The following DAP3 variants were observed in gnomAD, a reference collection of about 807,000 sequenced individuals.
The protein encoded by DAP3 is death associated protein 3.
In DAP3, 28 loss-of-function variants were observed where a neutral mutation model predicts 51.9. The observed-to-expected ratio is 0.54, with a 90% CI of 0.40 to 0.74. The LOEUF (loss-of-function observed/expected upper bound fraction) is 0.74. Among genes scored for constraint, DAP3 ranks in the 30% least tolerant of loss-of-function variants. The probability of loss-of-function intolerance (pLI) is 0.00; values close to 1 mark genes in which losing one functional copy is unlikely to be tolerated. For missense variants in DAP3, 458 were observed against 483.5 expected, an observed-to-expected ratio of 0.95 and a Z score of 0.49; for synonymous variants, 170 against 170.3, an observed-to-expected ratio of 1.00 and a Z score of 0.01.
chr1:155,719,446 G>A (rs972175229), intron 3 of DAP3, among the ~76,000 whole-genome samples: 2 of 151,732 alleles, frequency 1.3e-5, no homozygotes, highest in African/African-American at 2.4e-5. Flanking sequence ...ATGTTGGCCA[G>A]GCTGGTCTTG....
chr1:155,728,893 C>T (rs1397366169), intron 7 of DAP3, 149 bp from the exon 8 acceptor site: 4 of 624,576 alleles, frequency 6.4e-6, no homozygotes, highest in Admixed American at 3.3e-5. Flanking sequence ...AGAAAGCATT[C>T]ACTTCTACAT....
At chr1:155,695,613 A>C (rs1166619988) in intron 1 of DAP3, among the ~76,000 whole-genome samples, 2 of 152,232 alleles carry the variant, frequency 1.3e-5, no homozygotes, top group African/African-American at 4.8e-5. Flanking sequence ...GTTTGTAAAG[A>C]GTTGAACAAT....
At chr1:155,707,317 G>T (rs1352687394) in intron 1 of DAP3, among the ~76,000 whole-genome samples, 1 of 148,372 alleles carries the variant, frequency 6.7e-6, no homozygotes, top group African/African-American at 2.5e-5. Context: ...GGAGGCTGAG[G>T]CAGGAGAATG....
chr1:155,708,090 C>T (rs371571563), intron 1 of DAP3, among the ~76,000 whole-genome samples: 1 of 152,278 alleles, frequency 6.6e-6, no homozygotes, highest in East Asian at 1.9e-4. Flanking sequence ...TCTTGTTGCC[C>T]AGTCTGGAAT....
At chr1:155,710,456 TC>T (rs1656558922) in intron 2 of DAP3, 1 of 152,192 alleles carries the variant, frequency 6.6e-6, no homozygotes, top group African/African-American at 2.4e-5. Flanking sequence ...GGTCTCGAAC[TC>T]CTGACTTCGT....
At chr1:155,702,960 C>G (rs1193081422) in intron 1 of DAP3, among the ~76,000 whole-genome samples, 1 of 152,030 alleles carries the variant, frequency 6.6e-6, no homozygotes, top group African/African-American at 2.4e-5. Flanking sequence ...CAGAGTGAGA[C>G]TCCGTTTCAA....
chr1:155,690,179 A>G (rs945655235), intron 1 of DAP3, among the ~76,000 whole-genome samples: 5 of 141,604 alleles, frequency 3.5e-5, no homozygotes, highest in Non-Finnish European at 7.3e-5. Flanking sequence ...ATTTTTAAAG[A>G]GTAGGTAATG....
intron 1 of DAP3, 146 bp downstream of exon 1, chr1:155,689,320 C>T: frequency 3.4e-6 from 2 of 594,634 alleles, no homozygotes; most frequent in Non-Finnish European, 6.3e-6. Context: ...ACCTGGGACC[C>T]GAGGAAGTTC....
chr1:155,697,379 C>T (rs753975668), intron 1 of DAP3, among the ~76,000 whole-genome samples: 18 of 152,140 alleles, frequency 1.2e-4, no homozygotes, highest in Non-Finnish European at 2.4e-4. Flanking sequence ...CCTCCGGTAT[C>T]GGGGGAACCA....
chr1:155,697,955 G>C (rs974350131), intron 1 of DAP3, among the ~76,000 whole-genome samples: 1 of 152,150 alleles, frequency 6.6e-6, no homozygotes, highest in Non-Finnish European at 1.5e-5. Context: ...ATTCCTTGCT[G>C]AGAAAAGAAT....
rs1244337771 is a variant in DAP3, at chr1:155,738,780, T to G, written c.*538T>G. The G allele has an allele frequency of 6.6e-6, 1 of 152,216 alleles. No homozygotes were observed. The highest frequency in any genetic ancestry group is 1.5e-5 in the Non-Finnish European group (1 of 68,122). The allele number at this position is 152,216 out of a possible 1,614,324, so 9.4% of individuals were successfully genotyped here. ...TGAGTTCAGGAGTTTGCAACCAGCC[T>G]GGGCAACATGGTGAAAACCTGTCTC... On this transcript the variant is annotated 3_prime_UTR_variant, in exon 13 of 13. Transcript: ENST00000368336.
At position 155,689,093 on chromosome 1, in the gene DAP3, A is replaced by G; in HGVS notation, c.-89A>G. On this transcript the variant is annotated 5_prime_UTR_variant, in exon 1 of 13. Coordinates refer to ENST00000368336, the MANE Select transcript of DAP3 (RefSeq NM_004632.4). ...GCCGGATGACCCGACCCTTTTTTGC[A>G]GTCTCAGGACGGGCGCTTTGGAGCC... is the stretch of plus-strand genomic sequence containing the variant. The G allele has an allele frequency of 1.4e-6, 2 of 1,404,504 alleles. No individual in the cohort carries two copies. Among genetic ancestry groups the G allele is most frequent in the South Asian group, 1.2e-5 (1 of 80,106 alleles). The allele number at this position is 1,404,504 out of a possible 1,614,324, so 87.0% of individuals were successfully genotyped here.
chr1:155,725,385 A>G lies in DAP3; in HGVS notation c.274A>G (p.Lys92Glu), dbSNP rs1571538948. The G allele has an allele frequency of 6.2e-7, 1 of 1,613,920 alleles. No individual in the cohort carries two copies. The highest frequency in any genetic ancestry group is 2.2e-5 in the East Asian group (1 of 44,870). The change falls in exon 5 of 13, where the codon AAG (lysine) becomes GAG (glutamate). Residue 92 changes from lysine (K) to glutamate (E), a missense_variant. Coordinates refer to ENST00000368336, the MANE Select transcript of DAP3 (RefSeq NM_004632.4). Reference protein sequence around the residue: ...GLPPRFVMQVKTFSEACLMVR... With the variant: ...GLPPRFVMQVETFSEACLMVR... ...TCCTTCTTTCCTACTTTATCAGGTGAAGACATTCAGTGAAGCTTGCCTGAT... is the reference window on the plus strand; with the variant it reads ...TCCTTCTTTCCTACTTTATCAGGTGGAGACATTCAGTGAAGCTTGCCTGAT...
chr1:155,735,838 ATTTTTTTTTT>A (rs35138415), intron 11 of DAP3, among the ~76,000 whole-genome samples: 3 of 82,486 alleles, frequency 3.6e-5, no homozygotes, highest in East Asian at 3.1e-4. Context: ...CGCCTGGCTA[ATTTTTTTTTT>A]TTTTTTTTTT....
At position 155,738,149 on chromosome 1, in the gene DAP3, C is replaced by A; in HGVS notation, c.1112-8C>A. The A allele has an allele frequency of 1.2e-6, 2 of 1,614,130 alleles. No homozygotes were observed. Among genetic ancestry groups the A allele is most frequent in the Non-Finnish European group, 8.5e-7 (1 of 1,179,998 alleles). ...ACTGCCACTTACCTGTGTTTGTCTC[C>A]ATTTTAGCTCCTACAGAAGAAGGGA... On this transcript the variant is annotated splice_polypyrimidine_tract_variant and splice_region_variant and intron_variant, in intron 12 of 12. Transcript: ENST00000368336.
At chr1:155,730,067 TAC>T (rs1216144621) in intron 9 of DAP3, among the ~76,000 whole-genome samples, 7 of 147,998 alleles carry the variant, frequency 4.7e-5, no homozygotes, top group African/African-American at 1.7e-4. Flanking sequence ...TATGTATATA[TAC>T]ACACATATAT....
intron 1 of DAP3, among the ~76,000 whole-genome samples, chr1:155,692,395 A>G (rs1653946274): frequency 7.1e-6 from 1 of 141,388 alleles, no homozygotes. Flanking sequence ...TTTCTTTTTT[A>G]AAACTGCCAT....
At chr1:155,713,771 C>T (rs1018238069) in intron 2 of DAP3, among the ~76,000 whole-genome samples, 11 of 152,158 alleles carry the variant, frequency 7.2e-5, no homozygotes, top group African/African-American at 2.4e-4. Flanking sequence ...CTTATCTTCC[C>T]CATCATAACA....
At chr1:155,723,071 C>CA (rs1557788225) in intron 4 of DAP3, among the ~76,000 whole-genome samples, 1 of 146,938 alleles carries the variant, frequency 6.8e-6, no homozygotes, top group Non-Finnish European at 1.5e-5. Flanking sequence ...CCTAATATGA[C>CA]TTTTTTTTTT....
Sources: gnomAD v4.1 joint callset for allele counts (sites outside exome capture counted in the v4.1 genomes callset) on GRCh38, gnomAD v4.1.1 for gene constraint, MANE v1.5 for transcripts, NCBI Gene and HGNC (gene_info 2026-07-23, HGNC 2026-07-21) for gene names.